ZFPM2: variants seen among roughly 807,000 people sequenced by gnomAD.
ZFPM2 encodes zinc finger protein, FOG family member 2, also known as zinc finger protein ZFPM2.
ZFPM2 carries 20 observed loss-of-function variants against 98.6 expected under a neutral mutation model. That is an observed-to-expected ratio of 0.20 (90% confidence interval 0.14 to 0.29). The LOEUF (loss-of-function observed/expected upper bound fraction) is 0.29, where lower values mean the gene tolerates loss of function less well. ZFPM2 is among the 10% of genes least tolerant of loss of function. The probability of loss-of-function intolerance (pLI) is 1.00; values close to 1 mark genes in which losing one functional copy is unlikely to be tolerated. For synonymous variants in ZFPM2, 518 were observed against 502.7 expected, an observed-to-expected ratio of 1.03 and a Z score of -0.41; for missense variants, 1,310 against 1,388.6, an observed-to-expected ratio of 0.94 and a Z score of 0.90.
At chr8:105,731,996 A>C (rs1232335245) in intron 5 of ZFPM2, among the ~76,000 whole-genome samples, 2 of 151,790 alleles carry the variant, frequency 1.3e-5, no homozygotes, top group Non-Finnish European at 1.5e-5. Context: ...GGTATACTAA[A>C]TGAACTTTAT....
intron 6 of ZFPM2, among the ~76,000 whole-genome samples, chr8:105,790,685 A>G (rs1333770021): frequency 6.6e-6 from 1 of 152,212 alleles, no homozygotes; most frequent in Non-Finnish European, 1.5e-5. Context: ...TACCTTGGGC[A>G]GTATGGCCAT....
chr8:105,562,984 G>A (rs917697684), intron 4 of ZFPM2, among the ~76,000 whole-genome samples: 1 of 152,122 alleles, frequency 6.6e-6, no homozygotes, highest in Admixed American at 6.5e-5. Context: ...ATGAAATTTG[G>A]GAAGAAAAAT....
At chr8:105,378,389 CCT>C (rs1810773676) in intron 1 of ZFPM2, among the ~76,000 whole-genome samples, 1 of 152,124 alleles carries the variant, frequency 6.6e-6, no homozygotes, top group Admixed American at 6.6e-5. Context: ...GCCATCACTC[CCT>C]TGTCTGAACT....
chr8:105,520,894 G>A (rs943652021), intron 3 of ZFPM2, among the ~76,000 whole-genome samples: 5 of 152,062 alleles, frequency 3.3e-5, no homozygotes, highest in Non-Finnish European at 7.4e-5. Flanking sequence ...GGGCCTTAAA[G>A]TGTTGAGATT....
At chr8:105,416,014 A>G (rs1404310538) in intron 1 of ZFPM2, among the ~76,000 whole-genome samples, 1 of 152,036 alleles carries the variant, frequency 6.6e-6, no homozygotes, top group Non-Finnish European at 1.5e-5. Context: ...TTAAACATAT[A>G]GGTGCTTCTT....
intron 5 of ZFPM2, among the ~76,000 whole-genome samples, chr8:105,743,123 C>T (rs1185177613): frequency 6.6e-6 from 1 of 151,896 alleles, no homozygotes; most frequent in Non-Finnish European, 1.5e-5. Flanking sequence ...AAACGATTCC[C>T]CTTTCAGGTC....
intron 1 of ZFPM2, among the ~76,000 whole-genome samples, chr8:105,331,548 T>C (rs1812234297): frequency 6.6e-6 from 1 of 151,672 alleles, no homozygotes; most frequent in African/African-American, 2.4e-5. Flanking sequence ...TTACAGGAGG[T>C]GAAACAGATG....
intron 1 of ZFPM2, among the ~76,000 whole-genome samples, chr8:105,329,020 A>G (rs1398053079): frequency 1.3e-5 from 2 of 151,904 alleles, no homozygotes; most frequent in African/African-American, 2.4e-5. Context: ...AACAATGTGC[A>G]TCTTGGACAA....
At chr8:105,406,742 G>C (rs1265710777) in intron 1 of ZFPM2, among the ~76,000 whole-genome samples, 5 of 151,930 alleles carry the variant, frequency 3.3e-5, no homozygotes, top group African/African-American at 9.7e-5. Context: ...CGCTTGAAAG[G>C]CTACATTTTA....
intron 3 of ZFPM2, among the ~76,000 whole-genome samples, chr8:105,535,065 C>T (rs1814421048): frequency 6.6e-6 from 1 of 152,100 alleles, no homozygotes; most frequent in Non-Finnish European, 1.5e-5. Flanking sequence ...AAATAAGGTC[C>T]TGAATCAAAC....
At position 105,704,356 on chromosome 8, in the gene ZFPM2, G is replaced by A. The variant is rs1189822151; in HGVS notation, c.532+69999G>A. Among the ~76,000 whole-genome samples, 6 of 152,256 alleles carry A rather than the reference G, an allele frequency of 3.9e-5. No individual in the cohort carries two copies. In the South Asian group the frequency reaches 6.2e-4, roughly 16 times the overall value. ...AATTGGATGCAGCTTAAAGACTGAC[G>A]CTGTCTGAAATGTCATGGCCTCTTC... On this transcript the variant is annotated intron_variant, in intron 5 of 7. Transcript: ENST00000407775.
Position 105,532,198 on chromosome 8 carries a change from G to A in ZFPM2, c.302-29165G>A, listed in dbSNP as rs770806275. On this transcript the variant is annotated intron_variant, in intron 3 of 7. Coordinates refer to ENST00000407775, the MANE Select transcript of ZFPM2 (RefSeq NM_012082.4). Reference sequence around the variant, plus strand: ...ATTACAGGTGTGAGCTACCAAGCCCGGCCCCTGTTGATAATTTCAACATTA... The same window carrying A: ...ATTACAGGTGTGAGCTACCAAGCCCAGCCCCTGTTGATAATTTCAACATTA... 2.6e-5 allele frequency among the ~76,000 whole-genome samples: 4 copies of A among 152,012 alleles called. No individual in the cohort carries two copies. In the South Asian group the frequency reaches 6.2e-4, roughly 24 times the overall value.
At chr8:105,489,588 C>T (rs1490462959) in intron 3 of ZFPM2, among the ~76,000 whole-genome samples, 1 of 150,862 alleles carries the variant, frequency 6.6e-6, no homozygotes, top group Non-Finnish European at 1.5e-5. Flanking sequence ...CTCAGCCTCC[C>T]CAGTAGCTGG....
intron 1 of ZFPM2, among the ~76,000 whole-genome samples, chr8:105,374,543 A>C (rs1402080803): frequency 6.6e-6 from 1 of 151,716 alleles, no homozygotes; most frequent in Non-Finnish European, 1.5e-5. Flanking sequence ...ACACCGCCAC[A>C]CCCGGTGCAA....
intron 3 of ZFPM2, among the ~76,000 whole-genome samples, chr8:105,535,905 A>C (rs1382854136): frequency 2.0e-5 from 3 of 152,174 alleles, no homozygotes; most frequent in Non-Finnish European, 2.9e-5. Flanking sequence ...CTTACTTTTC[A>C]TACAATCATT....
At chr8:105,554,230 C>G (rs893775509) in intron 3 of ZFPM2, among the ~76,000 whole-genome samples, 1 of 152,072 alleles carries the variant, frequency 6.6e-6, no homozygotes, top group Non-Finnish European at 1.5e-5. Flanking sequence ...CTATTTGTCT[C>G]AAAATGCAGA....
intron 4 of ZFPM2, among the ~76,000 whole-genome samples, chr8:105,585,666 G>A (rs577779858): frequency 6.6e-6 from 1 of 152,168 alleles, no homozygotes; most frequent in South Asian, 2.1e-4. Flanking sequence ...TTACTATACA[G>A]TAGGCAATTA....
chr8:105,528,634 A>G (rs193168798), intron 3 of ZFPM2, among the ~76,000 whole-genome samples: 19 of 152,300 alleles, frequency 1.2e-4, no homozygotes, highest in African/African-American at 4.1e-4. Context: ...AATTATGATT[A>G]GGTCACAAAA....
At chr8:105,511,990 AC>A (rs1197285950) in intron 3 of ZFPM2, among the ~76,000 whole-genome samples, 1 of 152,156 alleles carries the variant, frequency 6.6e-6, no homozygotes, top group Non-Finnish European at 1.5e-5. Flanking sequence ...TACTAAAAAT[AC>A]AAAAATTAGC....
Sources: gnomAD v4.1 joint callset for allele counts (sites outside exome capture counted in the v4.1 genomes callset) on GRCh38, gnomAD v4.1.1 for gene constraint, MANE v1.5 for transcripts, NCBI Gene and HGNC (gene_info 2026-07-23, HGNC 2026-07-21) for gene names.